AHNAK: variants seen among roughly 807,000 people sequenced by gnomAD.
AHNAK encodes AHNAK nucleoprotein.
Under a neutral mutation model 37.8 loss-of-function variants are expected in AHNAK, and 23 were observed. The ratio of observed to expected loss-of-function variants is 0.61; its 90% CI spans 0.44 to 0.86. The LOEUF is 0.86. Ranked by LOEUF, AHNAK falls within the 40% of genes least tolerant of loss-of-function variation. The probability of loss-of-function intolerance (pLI) is 0.00; values close to 1 mark genes in which losing one functional copy is unlikely to be tolerated. For missense variants in AHNAK, 7,411 were observed against 7,319.4 expected, an observed-to-expected ratio of 1.01 and a Z score of -0.46; for synonymous variants, 2,481 against 2,636.3, an observed-to-expected ratio of 0.94 and a Z score of 1.80.
chr11:62,447,539 A>T (rs181931116), intron 5 of AHNAK, among the ~76,000 whole-genome samples: 88 of 152,346 alleles, frequency 5.8e-4, no homozygotes, highest in African/African-American at 2.0e-3. Context: ...ACACTGACAC[A>T]GAGCTTTGCT....
rs1940384449 is a variant in AHNAK, at chr11:62,524,249, G to A, written c.10168C>T (p.Pro3390Ser). The change falls in exon 5 of 5, where the codon CCT (proline) becomes TCT (serine). Residue 3390 changes from proline (P) to serine (S), a missense_variant. Pro to Ser is a moderately conservative substitution (Grantham distance 74). Transcript: ENST00000378024. ...ACTTTTCCTTGGACCTCGACATCAG[G>A]AGCATTAATATCAACTTTTGGACCT... ...ITGPKVDINA[P>S]DVEVQGKVKG... 6.2e-7 allele frequency: 1 copy of A among 1,613,380 alleles called. No individual in the cohort carries two copies. The highest frequency in any genetic ancestry group is 8.5e-7 in the Non-Finnish European group (1 of 1,179,812).
rs1321643243 is a variant in AHNAK, at chr11:62,531,898, A to T, written c.2519T>A (p.Met840Lys). ...PNVKGEYDVT[M>K]PKVESEIKVP... is the part of the protein sequence containing the mutation. ...TTTAATCTCACTTTCAACCTTTGGC[A>T]TTGTGACATCATATTCTCCCTTTAC... Residue 840 changes from methionine to lysine, a missense_variant, in exon 5 of 5, where the codon ATG becomes AAG. Transcript: ENST00000378024. The T allele has an allele frequency of 1.9e-6, 3 of 1,612,190 alleles. No homozygotes were observed. Among genetic ancestry groups the T allele is most frequent in the East Asian group, 4.5e-5 (2 of 44,698 alleles).
chr11:62,517,055 C>G lies in AHNAK; in HGVS notation c.17362G>C (p.Glu5788Gln). 1 of 1,614,216 alleles carries G rather than the reference C, an allele frequency of 6.2e-7. No homozygotes were observed. The highest frequency in any genetic ancestry group is 8.5e-7 in the Non-Finnish European group (1 of 1,180,044). The stretch of plus-strand genomic sequence containing the variant: ...GTCGGGGTGGAAGGTCCAGAGAACT[C>G]TCTTTCATCACTGAATGAATTTGAG... The part of the protein sequence containing the change: ...HRSNSFSDER[E>Q]FSGPSTPTGT... Residue 5788 changes from glutamate (E) to glutamine (Q), a missense_variant, in exon 5 of 5, where the codon GAG becomes CAG. By Grantham distance (29) the Glu-to-Gln change is conservative (BLOSUM62 2). Coordinates refer to ENST00000378024, the MANE Select transcript of AHNAK (RefSeq NM_001620.3).
chr11:62,444,192 G>A (rs1938375223), intron 5 of AHNAK, among the ~76,000 whole-genome samples: 1 of 152,168 alleles, frequency 6.6e-6, no homozygotes, highest in East Asian at 1.9e-4. Context: ...TTGGCAGATA[G>A]GGAAATTTTA....
At chr11:62,481,801 G>A (rs1389133073) in intron 5 of AHNAK, among the ~76,000 whole-genome samples, 1 of 151,896 alleles carries the variant, frequency 6.6e-6, no homozygotes, top group Non-Finnish European at 1.5e-5. Context: ...TCCTGACCTC[G>A]TGATCGACCC....
In AHNAK at chr11:62,516,601, G is replaced by T; in HGVS notation, c.*143C>A. 6.8e-7 allele frequency: 1 copy of T among 1,480,436 alleles called. No individual in the cohort carries two copies. 91.7% of individuals were successfully genotyped at this position (1,480,436 alleles called of 1,614,324 possible). A position where few individuals can be genotyped will look rare whatever the true frequency, so the allele number is the denominator to read the frequency against. ...GAGCCTACAGGCGGTCGGTTTTTCA[G>T]CGCTTGCCACCGGGCCAGGCAAGGT... On this transcript the variant is annotated 3_prime_UTR_variant, in exon 5 of 5. Coordinates refer to ENST00000378024, the MANE Select transcript of AHNAK (RefSeq NM_001620.3).
intron 4 of AHNAK, among the ~76,000 whole-genome samples, chr11:62,501,720 T>C (rs918953847): frequency 1.3e-5 from 2 of 152,180 alleles, no homozygotes; most frequent in African/African-American, 4.8e-5. Flanking sequence ...GCCCAGCAAA[T>C]ACACAGGGCT....
At chr11:62,535,922 G>A in intron 3 of AHNAK, 23 bp downstream of exon 3, 1 of 1,598,958 alleles carries the variant, frequency 6.3e-7, no homozygotes, top group East Asian at 2.3e-5. Flanking sequence ...CCAGCACCCA[G>A]TCCACACCCT....
chr11:62,454,605 ACCCGCTC>A (rs1297550018), intron 5 of AHNAK, among the ~76,000 whole-genome samples: 1 of 152,022 alleles, frequency 6.6e-6, no homozygotes, highest in East Asian at 1.9e-4. Context: ...CACCCTGGGG[ACCCGCTC>A]CTTTAGCCAA....
Position 62,521,309 on chromosome 11 carries a change from C to G in AHNAK, c.13108G>C (p.Gly4370Arg). 1 of 1,613,048 alleles carries G rather than the reference C, an allele frequency of 6.2e-7. No individual in the cohort carries two copies. Among genetic ancestry groups the G allele is most frequent in the Non-Finnish European group, 8.5e-7 (1 of 1,179,758 alleles). The change falls in exon 5 of 5, where the codon GGT becomes CGT. Residue 4370 changes from glycine (G) to arginine (R), a missense_variant. Coordinates refer to ENST00000378024, the MANE Select transcript of AHNAK (RefSeq NM_001620.3). ...ATCTCTGGCATCTTGAACTTTGGAC[C>G]CTTGAGTTTTGCATCTGGACCTTCG... is the stretch of plus-strand genomic sequence containing the variant. ...SIEGPDAKLK[G>R]PKFKMPEMNI...
At chr11:62,463,123 C>CAAA (rs142849834) in intron 5 of AHNAK, among the ~76,000 whole-genome samples, 2 of 77,860 alleles carry the variant, frequency 2.6e-5, no homozygotes, top group African/African-American at 5.0e-5. Context: ...GACTCAGTCT[C>CAAA]AAAAAAAAAA....
downstream of AHNAK, among the ~76,000 whole-genome samples, chr11:62,512,245 C>T (rs1939928013): frequency 6.6e-6 from 1 of 152,226 alleles, no homozygotes; most frequent in African/African-American, 2.4e-5. The surrounding 1 kb of genome is among the most constrained non-coding windows in gnomAD (Gnocchi z 4.0). Context: ...AGCTGCAACA[C>T]CTGGGCTCCC....
chr11:62,445,403 C>A (rs1342693393), intron 5 of AHNAK, among the ~76,000 whole-genome samples: 2 of 152,174 alleles, frequency 1.3e-5, no homozygotes, highest in Non-Finnish European at 2.9e-5. Flanking sequence ...TCTAGTCAAA[C>A]TTCTGTTTGC....
At chr11:62,454,767 G>A (rs1437236341) in intron 5 of AHNAK, among the ~76,000 whole-genome samples, 1 of 151,970 alleles carries the variant, frequency 6.6e-6, no homozygotes, top group Non-Finnish European at 1.5e-5. Context: ...GGCATTTAAT[G>A]AGTGATCTCC....
intron 5 of AHNAK, among the ~76,000 whole-genome samples, chr11:62,441,589 C>A (rs1322996671): frequency 2.0e-5 from 3 of 152,008 alleles, no homozygotes; most frequent in African/African-American, 7.2e-5. Context: ...GCAACCTAAA[C>A]CTCCTGGGTT....
intron 5 of AHNAK, among the ~76,000 whole-genome samples, chr11:62,471,587 A>G (rs1055604520): frequency 6.6e-6 from 1 of 152,236 alleles, no homozygotes; most frequent in Non-Finnish European, 1.5e-5. Context: ...TCAGCACTCA[A>G]AAAAGTTTGG....
chr11:62,543,467 G>A (rs1941199525), intron 1 of AHNAK, among the ~76,000 whole-genome samples: 1 of 152,204 alleles, frequency 6.6e-6, no homozygotes, highest in Non-Finnish European at 1.5e-5. Context: ...TGACATGGTG[G>A]TCACAAGGAC....
chr11:62,443,685 A>G (rs1156581691), intron 5 of AHNAK, among the ~76,000 whole-genome samples: 2 of 152,276 alleles, frequency 1.3e-5, no homozygotes, highest in East Asian at 3.9e-4. Context: ...ATACAGCCCC[A>G]TAGACTTGAA....
At chr11:62,474,767 G>T (rs896546242) in intron 5 of AHNAK, among the ~76,000 whole-genome samples, 25 of 152,312 alleles carry the variant, frequency 1.6e-4, no homozygotes, top group African/African-American at 6.0e-4. Context: ...CCCGTGCTGG[G>T]TCCTGGAAAT....
Sources: gnomAD v4.1 joint callset for allele counts (sites outside exome capture counted in the v4.1 genomes callset) on GRCh38, gnomAD v4.1.1 for gene constraint, Gnocchi (gnomAD v3.1) non-coding constraint, MANE v1.5 for transcripts, NCBI Gene and HGNC (gene_info 2026-07-23, HGNC 2026-07-21) for gene names.